GABBR1: variants seen among roughly 807,000 people sequenced by gnomAD.
GABBR1 encodes the protein GABA-B receptor, R1 subunit.
GABBR1 carries 35 observed loss-of-function variants against 117.7 expected under a neutral mutation model. The observed-to-expected ratio is 0.30, with a 90% CI of 0.23 to 0.39. GABBR1 has a LOEUF of 0.39. GABBR1 is among the 10% of genes least tolerant of loss of function. The pLI is 1.00. For synonymous variants in GABBR1, 442 were observed against 486.6 expected, an observed-to-expected ratio of 0.91 and a Z score of 1.21; for missense variants, 709 against 1,241.8, an observed-to-expected ratio of 0.57 and a Z score of 6.45.
intron 15 of GABBR1, 141 bp from the exon 16 acceptor site, chr6:29,608,874 G>C (rs1469111263): frequency 6.3e-6 from 6 of 958,482 alleles, no homozygotes; most frequent in Non-Finnish European, 3.1e-6. Context: ...GGAGAAGACA[G>C]TGGAGCCTTG....
chr6:29,628,768 T>C (rs1764640076), intron 5 of GABBR1, among the ~76,000 whole-genome samples: 1 of 151,952 alleles, frequency 6.6e-6, no homozygotes, highest in South Asian at 2.1e-4. Flanking sequence ...GAAAACGTGG[T>C]GGGAGCTCAG....
chr6:29,619,414 C>A (rs1404548556), intron 11 of GABBR1, among the ~76,000 whole-genome samples: 2 of 152,234 alleles, frequency 1.3e-5, no homozygotes, highest in Admixed American at 6.5e-5. Context: ...GCCTCAAAAG[C>A]AGGAACCATC....
At chr6:29,610,731 C>T (rs1479377006) in intron 14 of GABBR1, among the ~76,000 whole-genome samples, 193 bp downstream of exon 14, 1 of 152,104 alleles carries the variant, frequency 6.6e-6, no homozygotes, top group Non-Finnish European at 1.5e-5. Flanking sequence ...CCTATTCCCT[C>T]TCCAAATACA....
chr6:29,613,152 A>G lies in GABBR1; in HGVS notation c.1566+91T>C. The stretch of plus-strand genomic sequence containing the variant: ...GATTCTGCAAAGAAGTAACTGAGAA[A>G]AACAGAGAATGCATGTTTGTAGAAG... On this transcript the variant is annotated intron_variant, in intron 12 of 22. Transcript: ENST00000377034. This position sits in a 1 kb window ranked among gnomAD's most constrained non-coding sequence, Gnocchi z 4.1. 7.2e-7 allele frequency: 1 copy of G among 1,379,726 alleles called. No homozygotes were observed. Among genetic ancestry groups the G allele is most frequent in the South Asian group, 1.3e-5 (1 of 77,634 alleles). 85.5% of individuals were successfully genotyped at this position (1,379,726 alleles called of 1,614,324 possible).
Position 29,623,569 on chromosome 6 carries a change from T to C in GABBR1, c.793-94A>G. On this transcript the variant is annotated intron_variant, in intron 7 of 22. Coordinates refer to ENST00000377034, the MANE Select transcript of GABBR1 (RefSeq NM_001470.4). This position sits in a 1 kb window ranked among gnomAD's most constrained non-coding sequence, Gnocchi z 6.2. ...CTTTAACCCTCTTCCTGCCTTTGGG[T>C]TTCTCTTCCTTACTCTCTCCAAACC... 6 of 1,272,240 alleles carry C rather than the reference T, an allele frequency of 4.7e-6. No homozygotes were observed. The highest frequency in any genetic ancestry group is 2.1e-5 in the Admixed American group (1 of 46,590). 78.8% of individuals were successfully genotyped at this position (1,272,240 alleles called of 1,614,324 possible).
At position 29,631,264 on chromosome 6, in the gene GABBR1, A is replaced by T; in HGVS notation, c.289+132T>A. 1 of 911,586 alleles carries T rather than the reference A, an allele frequency of 1.1e-6. No homozygotes were observed. The highest frequency in any genetic ancestry group is 1.7e-6 in the Non-Finnish European group (1 of 584,626). 56.5% of individuals were successfully genotyped at this position (911,586 alleles called of 1,614,324 possible). A position where few individuals can be genotyped will look rare whatever the true frequency, so the allele number is the denominator to read the frequency against. ...CAGAGCAAAATTGCTCTTATGTAGT[A>T]GTCATTCAATAAATGTATTTGTGAA... On this transcript the variant is annotated intron_variant, in intron 3 of 22. Coordinates refer to ENST00000377034, the MANE Select transcript of GABBR1 (RefSeq NM_001470.4). The surrounding 1 kb of genome is among the most constrained non-coding windows in gnomAD (Gnocchi z 5.9).
In GABBR1 at chr6:29,623,449, G is replaced by A. The variant is rs1388568051; in HGVS notation, c.819C>T (p.Ala273=). 3 of 1,613,838 alleles carry A rather than the reference G, an allele frequency of 1.9e-6. No individual in the cohort carries two copies. The highest frequency in any genetic ancestry group is 2.2e-5 in the East Asian group (1 of 44,880). The change falls in exon 8 of 23, where the codon GCC becomes GCT. Residue 273 remains alanine, a synonymous_variant. Coordinates refer to ENST00000377034, the MANE Select transcript of GABBR1 (RefSeq NM_001470.4). The surrounding 1 kb of genome is among the most constrained non-coding windows in gnomAD (Gnocchi z 6.2). ...IVLSYGSSSP[A]LSNRQRFPTF... ...TGGGGAAACGCTGCCGGTTTGACAGGGCTGGTGAGCTGGAGCCATAGGAAA... is the reference window on the plus strand; with the variant it reads ...TGGGGAAACGCTGCCGGTTTGACAGAGCTGGTGAGCTGGAGCCATAGGAAA...
In GABBR1 at chr6:29,603,300, A is replaced by T; in HGVS notation, c.*243T>A. 2.9e-6 allele frequency: 2 copies of T among 684,882 alleles called. No individual in the cohort carries two copies. Among genetic ancestry groups the T allele is most frequent in the South Asian group, 3.0e-5 (2 of 66,604 alleles). The allele number at this position is 684,882 out of a possible 1,614,324, so 42.4% of individuals were successfully genotyped here. A position where few individuals can be genotyped will look rare whatever the true frequency, so the allele number is the denominator to read the frequency against. ...GTGAGCAGCTTCAAGCCAGGTACGA[A>T]CTAAATTGTGAAGAGGTGATACAAA... On this transcript the variant is annotated 3_prime_UTR_variant, in exon 23 of 23. Transcript: ENST00000377034.
Position 29,605,683 on chromosome 6 carries a change from A to G in GABBR1, c.2325T>C (p.Gly775=). 1 of 1,612,868 alleles carries G rather than the reference A, an allele frequency of 6.2e-7. No individual in the cohort carries two copies. The highest frequency in any genetic ancestry group is 8.5e-7 in the Non-Finnish European group (1 of 1,180,004). The change falls in exon 20 of 23, where the codon GGT becomes GGC. Residue 775 remains glycine, a synonymous_variant. Transcript: ENST00000377034. This position sits in a 1 kb window ranked among gnomAD's most constrained non-coding sequence, Gnocchi z 4.2. ...KMNTWLGIFY[G]YKGLLLLLGI... ...CCAGCAGCAGCAGCAGCCCCTTGTA[A>G]CCATAGAAAATGCCTAGGATGGCAG...
Position 29,630,427 on chromosome 6 carries a change from T to C in GABBR1, c.475+31A>G. 1 of 1,582,874 alleles carries C rather than the reference T, an allele frequency of 6.3e-7. No individual in the cohort carries two copies. The highest frequency in any genetic ancestry group is 8.7e-7 in the Non-Finnish European group (1 of 1,153,942). ...TCCCATCCTCACACAAGCGTCCTCA[T>C]CAGCTGCATGCAGGCAGCTGTTCCC... On this transcript the variant is annotated intron_variant, in intron 4 of 22. Transcript: ENST00000377034. This position sits in a 1 kb window ranked among gnomAD's most constrained non-coding sequence, Gnocchi z 4.9.
In GABBR1 at chr6:29,623,282, C is replaced by T. The variant is rs6938734; in HGVS notation, c.963+23G>A. On this transcript the variant is annotated intron_variant, in intron 8 of 22. Transcript: ENST00000377034. This position sits in a 1 kb window ranked among gnomAD's most constrained non-coding sequence, Gnocchi z 6.2. Reference sequence around the variant, plus strand: ...TGGAATTTGAGCTTATGTCCCTTTACCCCTTGCCCAACCCCTCCTCACCGA... The same window carrying T: ...TGGAATTTGAGCTTATGTCCCTTTATCCCTTGCCCAACCCCTCCTCACCGA... The T allele has an allele frequency of 1.0e-2, 16,022 of 1,602,866 alleles. 486 individuals carry two copies. The African/African-American group carries it at 0.11, about 11-fold the overall frequency.
In GABBR1 at chr6:29,605,402, T is replaced by C. The variant is rs1761846145; in HGVS notation, c.2439+167A>G. 2.7e-6 allele frequency: 2 copies of C among 748,766 alleles called. No homozygotes were observed. The highest frequency in any genetic ancestry group is 4.4e-6 in the Non-Finnish European group (2 of 451,448). 46.4% of individuals were successfully genotyped at this position (748,766 alleles called of 1,614,324 possible). A position where few individuals can be genotyped will look rare whatever the true frequency, so the allele number is the denominator to read the frequency against. ...TGCAAGATTAATGATACAATGTCTG[T>C]AGTGAGCTTTGTAAACTGTAAAGTG... On this transcript the variant is annotated intron_variant, in intron 20 of 22. Transcript: ENST00000377034. This position sits in a 1 kb window ranked among gnomAD's most constrained non-coding sequence, Gnocchi z 4.2.
rs78592538 is a variant in GABBR1, at chr6:29,623,323, G to T, written c.945C>A (p.Thr315=). The change falls in exon 8 of 23, where the codon ACC becomes ACA. Residue 315 remains threonine (T), a synonymous_variant. Coordinates refer to ENST00000377034, the MANE Select transcript of GABBR1 (RefSeq NM_001470.4). This position sits in a 1 kb window ranked among gnomAD's most constrained non-coding sequence, Gnocchi z 6.2. ...GWKKIATIQQ[T]TEVFTSTLDD... is the part of the protein sequence containing the mutation. ...TCCTCACCGAAGTGAAGACCTCAGT[G>T]GTCTGCTGGATGGTAGCAATCTTCT... 3.2e-4 allele frequency: 512 copies of T among 1,614,020 alleles called. 1 individual carries two copies. Among genetic ancestry groups the T allele is most frequent in the South Asian group, 1.2e-3 (110 of 91,040 alleles).
At position 29,627,480 on chromosome 6, in the gene GABBR1, G is replaced by A. The variant is rs772696228; in HGVS notation, c.657+6C>T. 1.9e-6 allele frequency: 3 copies of A among 1,582,624 alleles called. No homozygotes were observed. The highest frequency in any genetic ancestry group is 1.7e-5 in the Admixed American group (1 of 58,060). On this transcript the variant is annotated splice_donor_region_variant and intron_variant, in intron 6 of 22. Coordinates refer to ENST00000377034, the MANE Select transcript of GABBR1 (RefSeq NM_001470.4). The surrounding 1 kb of genome is among the most constrained non-coding windows in gnomAD (Gnocchi z 4.4). ...ACCTCCCACCCACCCCCATGTCCAG[G>A]GCTACCTTGCTGTCGTGGTGGATGA...
chr6:29,627,943 G>A lies in GABBR1; in HGVS notation c.497-297C>T, dbSNP rs1393098663. Reference sequence around the variant, plus strand: ...CGAGGGCCCCGGAGAAGCAGGGAAGGTTGGCTTCCTACGGCCCCCGCGGCT... The same window carrying A: ...CGAGGGCCCCGGAGAAGCAGGGAAGATTGGCTTCCTACGGCCCCCGCGGCT... On this transcript the variant is annotated intron_variant, in intron 5 of 22. Transcript: ENST00000377034. This position sits in a 1 kb window ranked among gnomAD's most constrained non-coding sequence, Gnocchi z 4.4. 2.9e-6 allele frequency: 4 copies of A among 1,356,742 alleles called. No homozygotes were observed. Among genetic ancestry groups the A allele is most frequent in the Non-Finnish European group, 3.8e-6 (4 of 1,064,036 alleles). The allele number at this position is 1,356,742 out of a possible 1,614,324, so 84.0% of individuals were successfully genotyped here.
At chr6:29,626,704 C>T (rs1028278716) in intron 6 of GABBR1, among the ~76,000 whole-genome samples, 2 of 152,008 alleles carry the variant, frequency 1.3e-5, no homozygotes, top group African/African-American at 2.4e-5. Flanking sequence ...ATTATCCCCA[C>T]GCTACCTCCT....
chr6:29,613,359 T>C lies in GABBR1; in HGVS notation c.1450A>G (p.Thr484Ala). 1.2e-6 allele frequency: 2 copies of C among 1,613,088 alleles called. No individual in the cohort carries two copies. The highest frequency in any genetic ancestry group is 1.1e-5 in the South Asian group (1 of 91,088). ...CCAGAACGGCCGCCTCCTCCAGATG[T>C]CTTGTTCAGGGCCAGTGCCAAGGCC... ...IWALALALNK[T>A]SGGGGRSGVR... Residue 484 changes from threonine (T) to alanine (A), a missense_variant, in exon 12 of 23, where the codon ACA becomes GCA. Thr to Ala is a moderately conservative substitution (Grantham distance 58). Coordinates refer to ENST00000377034, the MANE Select transcript of GABBR1 (RefSeq NM_001470.4). The surrounding 1 kb of genome is among the most constrained non-coding windows in gnomAD (Gnocchi z 4.1).
intron 11 of GABBR1, among the ~76,000 whole-genome samples, chr6:29,616,687 GA>G (rs746023748): frequency 8.4e-4 from 117 of 138,756 alleles, no homozygotes; most frequent in East Asian, 1.7e-3. Context: ...TCTATCTCGA[GA>G]AAAAAAAAAA....
rs1407395123 is a variant in GABBR1, at chr6:29,631,427, G to A, written c.258C>T (p.Ser86=). 1.9e-6 allele frequency: 3 copies of A among 1,614,132 alleles called. No individual in the cohort carries two copies. The Admixed American group carries it at 5.0e-5, about 27-fold the overall frequency. The change falls in exon 3 of 23, where the codon TCC becomes TCT. Residue 86 remains serine, a synonymous_variant. Transcript: ENST00000377034. This position sits in a 1 kb window ranked among gnomAD's most constrained non-coding sequence, Gnocchi z 5.9. The part of the protein sequence containing the change: ...PKVRKCLANG[S]WTDMDTPSRC... ...GGCTGGGTGTGTCCATATCTGTCCA[G>A]GAGCCGTTGGCCAGGCACTTGCGGA... is the stretch of plus-strand genomic sequence containing the variant.
Sources: allele counts gnomAD v4.1 joint callset (sites outside exome capture counted in the v4.1 genomes callset), GRCh38; gene constraint gnomAD v4.1.1; non-coding constraint Gnocchi (gnomAD v3.1); transcripts MANE v1.5; gene names NCBI Gene and HGNC (gene_info 2026-07-23, HGNC 2026-07-21).